The following RSRC1 variants were observed in gnomAD, a reference collection of about 807,000 sequenced individuals.
The protein encoded by RSRC1 is serine/Arginine-related protein 53.
In RSRC1, 39 loss-of-function variants were observed where a neutral mutation model predicts 49.1. The ratio of observed to expected loss-of-function variants is 0.79; its 90% CI spans 0.61 to 1.04. The LOEUF (loss-of-function observed/expected upper bound fraction) is 1.04. RSRC1 is among the 50% of genes least tolerant of loss of function. RSRC1 has a pLI of 0.00. For missense variants in RSRC1, 388 were observed against 402.4 expected, an observed-to-expected ratio of 0.96 and a Z score of 0.31; for synonymous variants, 143 against 130.8, an observed-to-expected ratio of 1.09 and a Z score of -0.63.
chr3:158,180,937 T>G (rs1466589970), intron 3 of RSRC1, among the ~76,000 whole-genome samples: 4 of 151,600 alleles, frequency 2.6e-5, no homozygotes, highest in Non-Finnish European at 5.9e-5. Context: ...CCCGAGTAGC[T>G]GGGATTTCAG....
intron 3 of RSRC1, chr3:158,132,097 C>T (rs894111823): frequency 1.1e-5 from 5 of 441,892 alleles, no homozygotes; most frequent in African/African-American, 8.0e-5. Flanking sequence ...TATCCTCCTA[C>T]CTCAACCTCC....
At chr3:158,193,799 T>C (rs1393101393) in intron 3 of RSRC1, among the ~76,000 whole-genome samples, 1 of 152,080 alleles carries the variant, frequency 6.6e-6, no homozygotes, top group African/African-American at 2.4e-5. Flanking sequence ...AATTTTGATA[T>C]AGAAAGATGC....
chr3:158,477,058 G>C (rs547010533), intron 7 of RSRC1, among the ~76,000 whole-genome samples: 3 of 152,212 alleles, frequency 2.0e-5, no homozygotes, highest in Admixed American at 6.5e-5. Flanking sequence ...AACTAGAAGA[G>C]GAACCTGAAG....
At chr3:158,497,719 G>A (rs1184680292) in intron 7 of RSRC1, among the ~76,000 whole-genome samples, 1 of 152,148 alleles carries the variant, frequency 6.6e-6, no homozygotes, top group East Asian at 1.9e-4. Flanking sequence ...ACAGGTGTGA[G>A]CCACCACGCC....
chr3:158,220,175 C>T (rs1472345421), intron 4 of RSRC1, among the ~76,000 whole-genome samples: 1 of 151,532 alleles, frequency 6.6e-6, no homozygotes, highest in Non-Finnish European at 1.5e-5. Flanking sequence ...GGTTTGTATC[C>T]GTGGCTCACT....
intron 3 of RSRC1, among the ~76,000 whole-genome samples, chr3:158,159,721 C>T (rs1718101098): frequency 6.6e-6 from 1 of 152,096 alleles, no homozygotes; most frequent in African/African-American, 2.4e-5. Flanking sequence ...ATTATTTCAT[C>T]ACTCCATAGT....
At chr3:158,300,994 T>C (rs1466004363) in intron 5 of RSRC1, among the ~76,000 whole-genome samples, 1 of 152,148 alleles carries the variant, frequency 6.6e-6, no homozygotes, top group Non-Finnish European at 1.5e-5. Context: ...ATAGGTGGAC[T>C]CTTCCCCTGG....
intron 6 of RSRC1, among the ~76,000 whole-genome samples, chr3:158,384,988 A>G (rs1348569864): frequency 6.6e-6 from 1 of 152,110 alleles, no homozygotes; most frequent in Non-Finnish European, 1.5e-5. Context: ...GAGTCCCCCA[A>G]AGTGCCATTT....
intron 7 of RSRC1, among the ~76,000 whole-genome samples, chr3:158,500,440 G>A (rs1739539959): frequency 6.6e-6 from 1 of 152,054 alleles, no homozygotes; most frequent in Non-Finnish European, 1.5e-5. Context: ...CAAAAGGATT[G>A]GTACCAATTC....
At position 158,219,399 on chromosome 3, in the gene RSRC1, C is replaced by G. The variant is rs74677815; in HGVS notation, c.494+16154C>G. 2.8e-3 allele frequency among the ~76,000 whole-genome samples: 428 copies of G among 151,522 alleles called. 5 individuals carry two copies. Among genetic ancestry groups the G allele is most frequent in the African/African-American group, 9.9e-3 (409 of 41,378 alleles). On this transcript the variant is annotated intron_variant, in intron 4 of 9. Coordinates refer to ENST00000611884, the MANE Select transcript of RSRC1 (RefSeq NM_001271838.2). ...TAAGGGCTTACATACAGTACAGAGTCTTATTTACATCTTTTCCCCCATCCA... is the reference window on the plus strand; with the variant it reads ...TAAGGGCTTACATACAGTACAGAGTGTTATTTACATCTTTTCCCCCATCCA...
intron 8 of RSRC1, among the ~76,000 whole-genome samples, chr3:158,540,523 T>A (rs58363161): frequency 0.42 from 63,434 of 151,730 alleles, 13,362 homozygotes; most frequent in South Asian, 0.49. Flanking sequence ...TGAATGCTGA[T>A]CAGCTTCCAT....
intron 7 of RSRC1, among the ~76,000 whole-genome samples, chr3:158,490,076 A>G (rs1739003864): frequency 6.6e-6 from 1 of 151,982 alleles, no homozygotes; most frequent in Non-Finnish European, 1.5e-5. Context: ...TACTACCTTC[A>G]ATTGTTTTTG....
intron 6 of RSRC1, among the ~76,000 whole-genome samples, chr3:158,359,811 T>G (rs1163797223): frequency 6.6e-6 from 1 of 152,184 alleles, no homozygotes; most frequent in African/African-American, 2.4e-5. Flanking sequence ...TCCTGAGTTC[T>G]TGTCCTGCAA....
In RSRC1 at chr3:158,171,282, T is replaced by C. The variant is rs531774619; in HGVS notation, c.321-31790T>C. On this transcript the variant is annotated intron_variant, in intron 3 of 9. Coordinates refer to ENST00000611884, the MANE Select transcript of RSRC1 (RefSeq NM_001271838.2). ...ATCAACATTCTACAGAGCATTTTGC[T>C]AGTATACACAGTCTTACAACATGAT... Among the ~76,000 whole-genome samples, 5 of 152,326 alleles carry C rather than the reference T, an allele frequency of 3.3e-5. No homozygotes were observed. In the East Asian group the frequency reaches 9.6e-4, roughly 29 times the overall value.
chr3:158,356,530 AT>A (rs1170262630), intron 6 of RSRC1, among the ~76,000 whole-genome samples: 1 of 149,636 alleles, frequency 6.7e-6, no homozygotes, highest in East Asian at 1.9e-4. Context: ...AAAATAATTC[AT>A]AGTTTATGTT....
intron 5 of RSRC1, among the ~76,000 whole-genome samples, chr3:158,318,450 A>C (rs1728587115): frequency 6.6e-6 from 1 of 152,180 alleles, no homozygotes; most frequent in Non-Finnish European, 1.5e-5. Flanking sequence ...AATAGAACTA[A>C]ACTTCTTTGT....
chr3:158,332,323 A>G (rs985709724), intron 5 of RSRC1, among the ~76,000 whole-genome samples: 11 of 152,190 alleles, frequency 7.2e-5, no homozygotes, highest in Admixed American at 6.5e-4. Context: ...TGACTAAAAC[A>G]TCCGTGTTTG....
chr3:158,535,690 G>C (rs1258228995), intron 7 of RSRC1, among the ~76,000 whole-genome samples: 1 of 151,272 alleles, frequency 6.6e-6, no homozygotes, highest in Non-Finnish European at 1.5e-5. Context: ...AAGGATATAG[G>C]AATCAACTTC....
At chr3:158,522,371 A>G (rs540290019) in intron 7 of RSRC1, among the ~76,000 whole-genome samples, 2 of 152,186 alleles carry the variant, frequency 1.3e-5, no homozygotes, top group African/African-American at 4.8e-5. Flanking sequence ...CAGTGGCACA[A>G]TCACGGCTCA....
Sources: gnomAD v4.1 joint callset for allele counts (sites outside exome capture counted in the v4.1 genomes callset) on GRCh38, gnomAD v4.1.1 for gene constraint, MANE v1.5 for transcripts, NCBI Gene and HGNC (gene_info 2026-07-23, HGNC 2026-07-21) for gene names.